The following PRKN variants were observed in gnomAD, a reference collection of about 807,000 sequenced individuals.
PRKN encodes the protein parkin RBR E3 ubiquitin protein ligase.
Under a neutral mutation model 59.5 loss-of-function variants are expected in PRKN, and 56 were observed. The ratio of observed to expected loss-of-function variants is 0.94; its 90% CI spans 0.76 to 1.18. The LOEUF is 1.18. PRKN is among the 50% of genes most tolerant of loss of function. The pLI, the probability that PRKN is intolerant of heterozygous loss-of-function variation, is 0.00. For synonymous variants in PRKN, 250 were observed against 222.1 expected, an observed-to-expected ratio of 1.13 and a Z score of -1.12; for missense variants, 657 against 596.4, an observed-to-expected ratio of 1.10 and a Z score of -1.06.
At chr6:162,696,820 A>G (rs894966965) in intron 1 of PRKN, among the ~76,000 whole-genome samples, 4 of 152,214 alleles carry the variant, frequency 2.6e-5, no homozygotes, top group African/African-American at 7.2e-5. Flanking sequence ...TGTTGGGACT[A>G]GAGGTATGAG....
intron 4 of PRKN, among the ~76,000 whole-genome samples, chr6:162,164,482 G>T (rs1191176317): frequency 6.7e-6 from 1 of 148,768 alleles, no homozygotes. Flanking sequence ...AAAGTGCTAA[G>T]ATTACAGGTG....
chr6:161,654,585 C>A (rs752045491), intron 7 of PRKN, among the ~76,000 whole-genome samples: 18 of 152,194 alleles, frequency 1.2e-4, no homozygotes, highest in Non-Finnish European at 2.1e-4. Flanking sequence ...TAGAAAACTT[C>A]TAACATCTAA....
At chr6:161,790,576 G>A (rs1790598313) in intron 6 of PRKN, among the ~76,000 whole-genome samples, 1 of 152,120 alleles carries the variant, frequency 6.6e-6, no homozygotes, top group Non-Finnish European at 1.5e-5. Flanking sequence ...CCCTTTTAAA[G>A]AGACCCCGGA....
intron 7 of PRKN, among the ~76,000 whole-genome samples, chr6:161,569,742 T>C (rs1780800405): frequency 6.6e-6 from 1 of 152,162 alleles, no homozygotes; most frequent in African/African-American, 2.4e-5. Context: ...CACTGGTTCC[T>C]CATATATAGC....
chr6:162,700,773 ACTC>A (rs1327065920), intron 1 of PRKN, among the ~76,000 whole-genome samples: 2 of 151,748 alleles, frequency 1.3e-5, no homozygotes, highest in East Asian at 3.9e-4. Flanking sequence ...CACATCTTTT[ACTC>A]CTATTTTCTA....
intron 5 of PRKN, among the ~76,000 whole-genome samples, chr6:162,045,816 G>A (rs887859803): frequency 1.3e-5 from 2 of 152,062 alleles, no homozygotes; most frequent in South Asian, 2.1e-4. Flanking sequence ...TTACTCTCAC[G>A]TCTTCCTTCT....
chr6:162,183,769 T>C lies in PRKN; in HGVS notation c.534+17362A>G, dbSNP rs151292302. The stretch of plus-strand genomic sequence containing the variant: ...CATAAAACTTTACTAACACTTGAAT[T>C]GCCGCAGTATGCCGCCCCTCGATCC... On this transcript the variant is annotated intron_variant, in intron 4 of 11. Transcript: ENST00000366898. Among the ~76,000 whole-genome samples, 327 of 152,266 alleles carry C rather than the reference T, an allele frequency of 2.1e-3. 2 individuals carry two copies. Among genetic ancestry groups the C allele is most frequent in the African/African-American group, 7.5e-3 (313 of 41,560 alleles).
rs1261538793 is a variant in PRKN at position 161,911,903 on chromosome 6, C to T, written c.734+61399G>A. 4.6e-5 allele frequency among the ~76,000 whole-genome samples: 7 copies of T among 152,070 alleles called. No homozygotes were observed. The South Asian group carries it at 1.2e-3, about 27-fold the overall frequency. On this transcript the variant is annotated intron_variant, in intron 6 of 11. Transcript: ENST00000366898. ...AAAGTATAAGAAACGATGGGCCAGG[C>T]ATGGTAGCTCATGCCTGTAATCCCA... is the stretch of plus-strand genomic sequence containing the variant.
intron 2 of PRKN, among the ~76,000 whole-genome samples, chr6:162,309,703 A>AT (rs1027959766): frequency 2.0e-5 from 3 of 152,032 alleles, no homozygotes; most frequent in African/African-American, 4.8e-5. Flanking sequence ...GTTAGATTAG[A>AT]TTTTTTTTAA....
intron 6 of PRKN, among the ~76,000 whole-genome samples, chr6:161,957,072 C>T (rs1780196781): frequency 6.6e-6 from 1 of 152,084 alleles, no homozygotes; most frequent in Non-Finnish European, 1.5e-5. Flanking sequence ...AGCCAGCTGC[C>T]CAATACAGAA....
chr6:162,003,623 G>C (rs1203981391), intron 5 of PRKN, among the ~76,000 whole-genome samples: 2 of 152,142 alleles, frequency 1.3e-5, no homozygotes, highest in Non-Finnish European at 2.9e-5. Flanking sequence ...ATTTCTGAAA[G>C]AGGGTATTCG....
At chr6:161,798,815 C>G (rs914662694) in intron 6 of PRKN, among the ~76,000 whole-genome samples, 6 of 152,170 alleles carry the variant, frequency 3.9e-5, no homozygotes, top group African/African-American at 1.4e-4. Flanking sequence ...ATCACCAGGG[C>G]CAGGCACGCT....
chr6:162,580,856 A>G (rs1003114364), intron 1 of PRKN, among the ~76,000 whole-genome samples: 1 of 152,230 alleles, frequency 6.6e-6, no homozygotes, highest in Admixed American at 6.5e-5. Context: ...TGCTGAGTAT[A>G]TAACGCCTTT....
chr6:162,231,163 CAGTT>C (rs377078242), intron 3 of PRKN, among the ~76,000 whole-genome samples: 7 of 152,138 alleles, frequency 4.6e-5, no homozygotes, highest in Admixed American at 1.3e-4. Flanking sequence ...CCTCTAAACT[CAGTT>C]AGTTTCCAAA....
At chr6:161,777,022 C>A (rs1207597511) in intron 7 of PRKN, among the ~76,000 whole-genome samples, 9 of 152,154 alleles carry the variant, frequency 5.9e-5, no homozygotes, top group Admixed American at 5.9e-4. Context: ...TCTATTCACA[C>A]AGTGATTAGG....
chr6:161,539,896 C>A (rs938878980), intron 9 of PRKN, among the ~76,000 whole-genome samples: 1 of 152,198 alleles, frequency 6.6e-6, no homozygotes, highest in African/African-American at 2.4e-5. Context: ...TGACCTTACT[C>A]TTCATAACAG....
chr6:162,566,414 G>C (rs1780081843), intron 1 of PRKN, among the ~76,000 whole-genome samples: 2 of 151,962 alleles, frequency 1.3e-5, no homozygotes, highest in Non-Finnish European at 2.9e-5. Flanking sequence ...AAAAAAGAGA[G>C]AAGATCCAAA....
chr6:162,419,573 T>G (rs1788843449), intron 2 of PRKN, among the ~76,000 whole-genome samples: 1 of 152,176 alleles, frequency 6.6e-6, no homozygotes, highest in South Asian at 2.1e-4. Flanking sequence ...AAGTTGGTTC[T>G]GCAGCCCAGT....
chr6:162,241,578 G>T (rs1258448505), intron 3 of PRKN, among the ~76,000 whole-genome samples: 1 of 151,848 alleles, frequency 6.6e-6, no homozygotes, highest in African/African-American at 2.4e-5. Flanking sequence ...TGATTTGGTG[G>T]GAAAAAAAGA....
Sources: allele counts gnomAD v4.1 joint callset (sites outside exome capture counted in the v4.1 genomes callset), GRCh38; gene constraint gnomAD v4.1.1; transcripts MANE v1.5; gene names NCBI Gene and HGNC (gene_info 2026-07-23, HGNC 2026-07-21).